The following MEGF11 variants were observed in gnomAD, a reference collection of about 807,000 sequenced individuals.
The protein encoded by MEGF11 is multiple EGF like domains 11.
A neutral mutation model predicts 146.6 loss-of-function variants in MEGF11; 126 were observed. The ratio of observed to expected loss-of-function variants is 0.86; its 90% CI spans 0.74 to 1.00. The LOEUF (loss-of-function observed/expected upper bound fraction) is 1.00. Ranked by LOEUF, MEGF11 falls within the 50% of genes least tolerant of loss-of-function variation. The pLI is 0.00. For missense variants in MEGF11, 1,509 were observed against 1,521.2 expected, an observed-to-expected ratio of 0.99 and a Z score of 0.13; for synonymous variants, 532 against 583.4, an observed-to-expected ratio of 0.91 and a Z score of 1.27.
intron 21 of MEGF11, 167 bp from the exon 22 acceptor site, chr15:65,909,973 T>C (rs2078747736): frequency 1.4e-6 from 1 of 705,866 alleles, no homozygotes; most frequent in Non-Finnish European, 2.6e-6. Flanking sequence ...CAGGCCACCA[T>C]GGTGTGGTTG....
chr15:66,038,953 C>T (rs1272028751), intron 5 of MEGF11, among the ~76,000 whole-genome samples: 1 of 152,206 alleles, frequency 6.6e-6, no homozygotes, highest in Non-Finnish European at 1.5e-5. Flanking sequence ...AGGGCACATA[C>T]TCCTGCCAGT....
At chr15:66,117,829 GC>G (rs964113118) in intron 4 of MEGF11, among the ~76,000 whole-genome samples, 3 of 152,200 alleles carry the variant, frequency 2.0e-5, no homozygotes, top group Non-Finnish European at 4.4e-5. Context: ...CTGAGGAACG[GC>G]CTTTTAGGTG....
chr15:66,203,349 C>A (rs2091218664), intron 1 of MEGF11, among the ~76,000 whole-genome samples: 1 of 152,228 alleles, frequency 6.6e-6, no homozygotes, highest in African/African-American at 2.4e-5. Context: ...TTGAATTGCA[C>A]CCACCACTCT....
intron 7 of MEGF11, among the ~76,000 whole-genome samples, chr15:65,979,878 C>T (rs896766030): frequency 2.0e-5 from 3 of 152,090 alleles, no homozygotes; most frequent in Non-Finnish European, 2.9e-5. Flanking sequence ...TTTTCAGGGT[C>T]AACATTGGCT....
chr15:66,211,523 C>A (rs1282999360), intron 1 of MEGF11, among the ~76,000 whole-genome samples: 14 of 91,620 alleles, frequency 1.5e-4, no homozygotes, highest in African/African-American at 5.4e-4. Context: ...GACTCAGTCT[C>A]AAAAAAAAAA....
At chr15:66,012,895 A>T (rs759994022) in intron 5 of MEGF11, among the ~76,000 whole-genome samples, 8 of 152,254 alleles carry the variant, frequency 5.3e-5, no homozygotes, top group Non-Finnish European at 1.0e-4. Context: ...CAGCCCCCGC[A>T]CAGGGGTTCT....
At chr15:66,192,123 T>C (rs1443258975) in intron 1 of MEGF11, among the ~76,000 whole-genome samples, 2 of 151,296 alleles carry the variant, frequency 1.3e-5, no homozygotes, top group African/African-American at 2.4e-5. Context: ...ACTAAATAAA[T>C]GGTAGTTCAA....
At position 66,185,414 on chromosome 15, in the gene MEGF11, T is replaced by TC. The variant is rs576836988; in HGVS notation, c.-8-57004dup. On this transcript the variant is annotated intron_variant, in intron 1 of 25. Coordinates refer to ENST00000395614, the MANE Select transcript of MEGF11 (RefSeq NM_001385028.1). Reference sequence around the variant, plus strand: ...TTTGTGGGGTTTTTTTTCTTTTTTTTCTTTCCACAATTTCAACACTGCTGT... The same window carrying TC: ...TTTGTGGGGTTTTTTTTCTTTTTTTTCCTTTCCACAATTTCAACACTGCTGT... Among the ~76,000 whole-genome samples, 10 of 152,240 alleles carry TC rather than the reference T, an allele frequency of 6.6e-5. 1 individual carries two copies. Among genetic ancestry groups the TC allele is most frequent in the Non-Finnish European group, 1.3e-4 (9 of 68,040 alleles).
chr15:66,117,253 C>T (rs2087775347), intron 4 of MEGF11, among the ~76,000 whole-genome samples: 1 of 152,170 alleles, frequency 6.6e-6, no homozygotes, highest in Admixed American at 6.5e-5. Context: ...TAGGGTGCCA[C>T]ACATCCCATC....
At position 66,149,272 on chromosome 15, in the gene MEGF11, C is replaced by T. The variant is rs143440957; in HGVS notation, c.-8-20861G>A. Among the ~76,000 whole-genome samples, 514 of 152,318 alleles carry T rather than the reference C, an allele frequency of 3.4e-3. 3 individuals are homozygous for T. The highest frequency in any genetic ancestry group is 4.4e-3 in the Non-Finnish European group (302 of 68,022). ...AGAGGAAAAGTCCTCTGTGGCATGG[C>T]GAGTCATAACCCCAGACAGTCTAGA... On this transcript the variant is annotated intron_variant, in intron 1 of 25. Coordinates refer to ENST00000395614, the MANE Select transcript of MEGF11 (RefSeq NM_001385028.1).
chr15:66,245,152 A>G (rs889094761), intron 1 of MEGF11, among the ~76,000 whole-genome samples: 1 of 152,176 alleles, frequency 6.6e-6, no homozygotes, highest in Admixed American at 6.5e-5. Flanking sequence ...TGGATTAAAC[A>G]CAGGGAAAGA....
chr15:66,225,671 C>T (rs2091836759), intron 1 of MEGF11, among the ~76,000 whole-genome samples: 1 of 152,078 alleles, frequency 6.6e-6, no homozygotes, highest in South Asian at 2.1e-4. Context: ...AAACAGCTTA[C>T]ATACATATAC....
At chr15:65,913,459 C>CTG in intron 20 of MEGF11, 1 of 553,322 alleles carries the variant, frequency 1.8e-6, no homozygotes, top group South Asian at 2.2e-5. Flanking sequence ...GTGGGTGCTC[C>CTG]TGAGGCCGAA....
chr15:66,248,624 A>T (rs1479293107), intron 1 of MEGF11, among the ~76,000 whole-genome samples: 1 of 152,180 alleles, frequency 6.6e-6, no homozygotes, highest in East Asian at 1.9e-4. Flanking sequence ...TCAGCCTCAC[A>T]TTTTGACTGT....
At chr15:66,251,935 T>G (rs1183263352) in intron 1 of MEGF11, among the ~76,000 whole-genome samples, 1 of 152,198 alleles carries the variant, frequency 6.6e-6, no homozygotes, top group Non-Finnish European at 1.5e-5. Context: ...CAGAGGATGC[T>G]CAACGTCTGC....
At chr15:65,935,892 A>G (rs1338189532) in intron 10 of MEGF11, among the ~76,000 whole-genome samples, 1 of 152,224 alleles carries the variant, frequency 6.6e-6, no homozygotes. Flanking sequence ...GGCCTGGTGT[A>G]TAATTGACTG....
At chr15:66,213,326 G>A (rs756987975) in intron 1 of MEGF11, among the ~76,000 whole-genome samples, 5 of 152,128 alleles carry the variant, frequency 3.3e-5, no homozygotes, top group South Asian at 2.1e-4. Flanking sequence ...GTGTGTCCCC[G>A]TTCACACAGA....
At chr15:66,115,902 C>T (rs1043203018) in intron 4 of MEGF11, among the ~76,000 whole-genome samples, 1 of 152,204 alleles carries the variant, frequency 6.6e-6, no homozygotes, top group Non-Finnish European at 1.5e-5. Flanking sequence ...GGAAGCAGCC[C>T]TGCCAACACC....
intron 20 of MEGF11, among the ~76,000 whole-genome samples, chr15:65,913,108 A>G (rs866535763): frequency 1.3e-5 from 2 of 152,228 alleles, no homozygotes; most frequent in Middle Eastern, 3.2e-3. Flanking sequence ...AAGGAAGGAT[A>G]TCGCCCAGCA....
Sources: allele counts gnomAD v4.1 joint callset (sites outside exome capture counted in the v4.1 genomes callset), GRCh38; gene constraint gnomAD v4.1.1; transcripts MANE v1.5; gene names NCBI Gene and HGNC (gene_info 2026-07-23, HGNC 2026-07-21).